The following CSMD1 variants were observed in gnomAD, a reference collection of about 807,000 sequenced individuals.
The protein encoded by CSMD1 is CUB and sushi domain-containing protein 1.
CSMD1 carries 213 observed loss-of-function variants against 417.5 expected under a neutral mutation model. The ratio of observed to expected loss-of-function variants is 0.51; its 90% CI spans 0.46 to 0.57. The LOEUF (loss-of-function observed/expected upper bound fraction) is 0.57. Among genes scored for constraint, CSMD1 ranks in the 20% least tolerant of loss-of-function variants. CSMD1 has a pLI of 0.00. For synonymous variants in CSMD1, 2,862 were observed against 1,736.8 expected, an observed-to-expected ratio of 1.65 and a Z score of -16.11; for missense variants, 6,923 against 4,529.7, an observed-to-expected ratio of 1.53 and a Z score of -15.17.
intron 5 of CSMD1, among the ~76,000 whole-genome samples, chr8:3,920,803 T>G (rs1319218164): frequency 6.6e-6 from 1 of 152,136 alleles, no homozygotes; most frequent in African/African-American, 2.4e-5. Flanking sequence ...AAAACAACCT[T>G]GCATCCCAGC....
chr8:4,429,345 T>C (rs1797740349), intron 2 of CSMD1, among the ~76,000 whole-genome samples: 1 of 152,030 alleles, frequency 6.6e-6, no homozygotes, highest in Non-Finnish European at 1.5e-5. Context: ...TATGTGTGTA[T>C]ACATAGATAT....
At chr8:3,480,124 C>A (rs897641919) in intron 11 of CSMD1, among the ~76,000 whole-genome samples, 3 of 151,958 alleles carry the variant, frequency 2.0e-5, no homozygotes, top group Non-Finnish European at 4.4e-5. Context: ...TTTGGGAGGC[C>A]TAGGTGGATG....
chr8:3,250,839 C>A (rs1800204302), intron 26 of CSMD1, among the ~76,000 whole-genome samples: 1 of 152,094 alleles, frequency 6.6e-6, no homozygotes. Flanking sequence ...TTTCATGTGT[C>A]TGTTGGCTGC....
intron 3 of CSMD1, among the ~76,000 whole-genome samples, chr8:4,201,709 G>A (rs896714071): frequency 2.6e-5 from 4 of 151,968 alleles, no homozygotes; most frequent in African/African-American, 4.8e-5. Context: ...AAAATGAAGA[G>A]CTAGGAAAAA....
intron 26 of CSMD1, among the ~76,000 whole-genome samples, chr8:3,235,231 G>C (rs756480161): frequency 3.3e-5 from 5 of 152,104 alleles, no homozygotes; most frequent in African/African-American, 7.2e-5. Flanking sequence ...TAGGAGGTGA[G>C]CCAAGGACAT....
chr8:4,626,840 A>G (rs17070881), intron 2 of CSMD1, among the ~76,000 whole-genome samples: 19,738 of 152,210 alleles, frequency 0.13, 1,802 homozygotes, highest in African/African-American at 0.27. Flanking sequence ...GTTCTAAGAC[A>G]TAAGCAAGAA....
rs767911399 is a variant in CSMD1, at chr8:3,708,457, G to C, written c.966C>G (p.Val322=). 5 of 1,613,884 alleles carry C rather than the reference G, an allele frequency of 3.1e-6. No individual in the cohort carries two copies. The highest frequency in any genetic ancestry group is 2.2e-5 in the South Asian group (2 of 91,078). The change falls in exon 7 of 70, where the codon GTC becomes GTG. Residue 322 remains valine, a synonymous_variant. Coordinates refer to ENST00000635120, the MANE Select transcript of CSMD1 (RefSeq NM_033225.6). ...TTCCATCCTTGCTGGGCAGCATCTTGACTCCTCTTGACTTCAACTCAATCG... is the reference window on the plus strand; with the variant it reads ...TTCCATCCTTGCTGGGCAGCATCTTCACTCCTCTTGACTTCAACTCAATCG... The part of the protein sequence containing the change: ...KKAIELKSRG[V]KMLPSKDGSH...
intron 7 of CSMD1, among the ~76,000 whole-genome samples, chr8:3,669,502 G>C (rs1017085953): frequency 2.0e-5 from 3 of 152,132 alleles, no homozygotes; most frequent in African/African-American, 7.2e-5. Context: ...TAAATATTGA[G>C]AATACAAGTC....
At chr8:4,505,294 T>C (rs758852345) in intron 2 of CSMD1, among the ~76,000 whole-genome samples, 1 of 152,054 alleles carries the variant, frequency 6.6e-6, no homozygotes, top group African/African-American at 2.4e-5. Flanking sequence ...CAGAGGAAAA[T>C]CACCAACGAG....
chr8:4,629,641 C>G (rs559634869), intron 2 of CSMD1, among the ~76,000 whole-genome samples: 2 of 152,180 alleles, frequency 1.3e-5, no homozygotes, highest in East Asian at 3.9e-4. Context: ...ATTACGTGTC[C>G]TGCCTAGAAA....
intron 1 of CSMD1, among the ~76,000 whole-genome samples, chr8:4,949,906 C>A (rs1194970153): frequency 8.3e-6 from 1 of 120,538 alleles, no homozygotes; most frequent in Non-Finnish European, 1.8e-5. Context: ...ACTTTTGCAC[C>A]AACTTGAGTG....
At chr8:3,287,005 G>A (rs987025121) in intron 25 of CSMD1, among the ~76,000 whole-genome samples, 7 of 152,002 alleles carry the variant, frequency 4.6e-5, no homozygotes, top group Admixed American at 2.0e-4. Flanking sequence ...TTTGTATAAG[G>A]TGTAAGGAAG....
chr8:4,160,487 G>A (rs1029726817), intron 3 of CSMD1, among the ~76,000 whole-genome samples: 1 of 152,100 alleles, frequency 6.6e-6, no homozygotes, highest in Non-Finnish European at 1.5e-5. Context: ...CATGAGGTCC[G>A]AACATCGGTT....
intron 3 of CSMD1, among the ~76,000 whole-genome samples, chr8:4,136,969 C>T (rs1803480176): frequency 1.3e-5 from 2 of 152,200 alleles, no homozygotes; most frequent in African/African-American, 2.4e-5. Flanking sequence ...CAGCCTATAT[C>T]AATGAAACAA....
intron 36 of CSMD1, chr8:3,183,296 C>T (rs570889275): frequency 2.8e-5 from 4 of 142,654 alleles, no homozygotes; most frequent in Admixed American, 1.4e-4. Context: ...CCTGAAACAT[C>T]GAGTAGGTCT....
intron 3 of CSMD1, among the ~76,000 whole-genome samples, chr8:4,077,279 C>CTACATATATATATATGTATATA (rs1799867797): frequency 1.1e-5 from 1 of 94,992 alleles, no homozygotes; most frequent in Admixed American, 1.0e-4. Flanking sequence ...CATTTGTCAC[C>CTACATATATATATATGTATATA]TATATATATA....
At chr8:4,011,929 C>A (rs1294621850) in intron 4 of CSMD1, among the ~76,000 whole-genome samples, 2 of 151,946 alleles carry the variant, frequency 1.3e-5, no homozygotes, top group Non-Finnish European at 2.9e-5. Context: ...ACACATCTTC[C>A]CATATACTTT....
intron 2 of CSMD1, among the ~76,000 whole-genome samples, chr8:4,447,997 G>GGGGC (rs1031375119): frequency 6.6e-6 from 1 of 152,124 alleles, no homozygotes; most frequent in Non-Finnish European, 1.5e-5. Context: ...ATTTTTGCCA[G>GGGGC]GGGCAGGTGG....
chr8:4,376,188 T>G (rs1802722057), intron 3 of CSMD1, among the ~76,000 whole-genome samples: 1 of 152,216 alleles, frequency 6.6e-6, no homozygotes, highest in African/African-American at 2.4e-5. Flanking sequence ...TCAAAAGAAT[T>G]TATTTTCTGC....
Sources: gnomAD v4.1 joint callset for allele counts (sites outside exome capture counted in the v4.1 genomes callset) on GRCh38, gnomAD v4.1.1 for gene constraint, MANE v1.5 for transcripts, NCBI Gene and HGNC (gene_info 2026-07-23, HGNC 2026-07-21) for gene names.